Variants in DOCK10 observed in about 807,000 individuals in gnomAD.
DOCK10 encodes dedicator of cytokinesis protein 10.
A neutral mutation model predicts 280.1 loss-of-function variants in DOCK10; 145 were observed. The ratio of observed to expected loss-of-function variants is 0.52; its 90% confidence interval spans 0.45 to 0.59. The LOEUF is 0.59. Among genes scored for constraint, DOCK10 ranks in the 20% least tolerant of loss-of-function variants. The pLI, the probability that DOCK10 is intolerant of heterozygous loss-of-function variation, is 0.00. For missense variants in DOCK10, 2,368 were observed against 2,651.7 expected (o/e 0.89, Z 2.35); for synonymous variants, 915 against 942.2 (o/e 0.97, Z 0.53).
Position 224,841,794 on chromosome 2 carries a change from G to C in DOCK10, c.2661+10C>G, listed in dbSNP as rs778825916. 6.3e-7 allele frequency: 1 copy of C among 1,587,280 alleles called. No homozygotes were observed. Among genetic ancestry groups the C allele is most frequent in the South Asian group, 1.1e-5 (1 of 90,464 alleles). On this transcript the variant is annotated intron_variant, in intron 23 of 55. Transcript: ENST00000258390. ...TGGAGATCACTGAAACTGCTTGCATGTCATGTTACCTTACAAGAGCGGATG... is the reference window on the plus strand; with the variant it reads ...TGGAGATCACTGAAACTGCTTGCATCTCATGTTACCTTACAAGAGCGGATG...
intron 1 of DOCK10, among the ~76,000 whole-genome samples, chr2:225,038,635 G>C (rs778523458): frequency 2.0e-5 from 3 of 152,106 alleles, no homozygotes; most frequent in Non-Finnish European, 4.4e-5. Flanking sequence ...TCTTTAAAAT[G>C]AGTTAATAAC....
intron 29 of DOCK10, 150 bp from the exon 30 acceptor site, chr2:224,816,863 G>A (rs138222014): frequency 5.1e-4 from 293 of 574,868 alleles, no homozygotes; most frequent in Middle Eastern, 4.7e-3. Context: ...AAGTTGAAAG[G>A]ATTTTGTCCC....
chr2:224,991,767 A>G (rs1413848358), intron 1 of DOCK10, among the ~76,000 whole-genome samples: 1 of 152,164 alleles, frequency 6.6e-6, no homozygotes, highest in Non-Finnish European at 1.5e-5. Flanking sequence ...AAAATGGAAA[A>G]CATAAAAAAA....
chr2:224,980,234 C>G (rs1705674871), intron 1 of DOCK10, among the ~76,000 whole-genome samples: 1 of 152,186 alleles, frequency 6.6e-6, no homozygotes, highest in Non-Finnish European at 1.5e-5. Context: ...AGCTCCACTC[C>G]ACACCTTCTC....
In DOCK10 at chr2:224,805,171, T is replaced by G. The variant is rs370695107; in HGVS notation, c.4051+35A>C. ...TATGAGAATCTGAAGGTTTTCTTTT[T>G]CCTTTTTTCAAAAAAATTAAAGAAT... is the stretch of plus-strand genomic sequence containing the variant. On this transcript the variant is annotated intron_variant, in intron 36 of 55. Coordinates refer to ENST00000258390, the MANE Select transcript of DOCK10 (RefSeq NM_014689.3). The surrounding 1 kb of genome is among the most constrained non-coding windows in gnomAD (Gnocchi z 4.3). 1 of 1,599,990 alleles carries G rather than the reference T, an allele frequency of 6.3e-7. No homozygotes were observed. The highest frequency in any genetic ancestry group is 8.5e-7 in the Non-Finnish European group (1 of 1,175,712).
intron 7 of DOCK10, among the ~76,000 whole-genome samples, chr2:224,884,909 T>C (rs1415665952): frequency 6.6e-6 from 1 of 152,226 alleles, no homozygotes; most frequent in Non-Finnish European, 1.5e-5. Flanking sequence ...GCAGCAAACA[T>C]GGGTGCTAAT....
intron 7 of DOCK10, among the ~76,000 whole-genome samples, chr2:224,880,403 A>G (rs1698912329): frequency 6.6e-6 from 1 of 152,198 alleles, no homozygotes; most frequent in South Asian, 2.1e-4. Context: ...CATATAGAAT[A>G]GCAAAAAGGG....
chr2:224,789,147 CT>C lies in DOCK10; in HGVS notation c.5334del (p.Ala1779LeufsTer3). 1 of 1,613,370 alleles carries C rather than the reference CT, an allele frequency of 6.2e-7. No individual in the cohort carries two copies. Among genetic ancestry groups the C allele is most frequent in the Middle Eastern group, 1.7e-4 (1 of 6,060 alleles). ...SGGSMFSMGW[P>X]AFLSITPNIK... ...ATGTTTGGTGTAATGCTCAAAAAAG[CT>C]GGCCATCCCATAGAGAACATGCCTT... is the stretch of plus-strand genomic sequence containing the variant. On this transcript the variant is annotated frameshift_variant, in exon 48 of 56. Transcript: ENST00000258390. LOFTEE classifies it high-confidence loss of function.
intron 15 of DOCK10, among the ~76,000 whole-genome samples, chr2:224,856,095 A>T (rs1023540688): frequency 6.6e-6 from 1 of 152,222 alleles, no homozygotes; most frequent in African/African-American, 2.4e-5. Flanking sequence ...GACACTGGCC[A>T]TCAGTAGAAG....
At chr2:224,915,268 C>T (rs1701243917) in intron 3 of DOCK10, among the ~76,000 whole-genome samples, 1 of 152,146 alleles carries the variant, frequency 6.6e-6, no homozygotes, top group Admixed American at 6.5e-5. Context: ...TAGTGACACC[C>T]TACTGTATGC....
chr2:224,935,808 T>A (rs1408761520), intron 1 of DOCK10, among the ~76,000 whole-genome samples: 1 of 152,226 alleles, frequency 6.6e-6, no homozygotes, highest in Non-Finnish European at 1.5e-5. Context: ...TAGTAGGCAC[T>A]CAATAACTAT....
At chr2:224,914,420 C>A (rs552380064) in intron 3 of DOCK10, among the ~76,000 whole-genome samples, 64 of 152,244 alleles carry the variant, frequency 4.2e-4, no homozygotes, top group Non-Finnish European at 8.1e-4. Context: ...AATTAGAAGG[C>A]AACTCGGTAT....
chr2:224,945,393 T>C (rs1049217206), intron 1 of DOCK10, among the ~76,000 whole-genome samples: 8 of 152,152 alleles, frequency 5.3e-5, no homozygotes, highest in Non-Finnish European at 8.8e-5. Context: ...TCCAGGACTC[T>C]GCATATTCCA....
At chr2:224,937,230 C>G (rs916309044) in intron 1 of DOCK10, among the ~76,000 whole-genome samples, 2 of 152,090 alleles carry the variant, frequency 1.3e-5, no homozygotes, top group African/African-American at 4.8e-5. Context: ...GATTTCTTAC[C>G]TACCAGCTAC....
intron 1 of DOCK10, among the ~76,000 whole-genome samples, chr2:225,008,052 T>G (rs1468216121): frequency 6.6e-6 from 1 of 152,168 alleles, no homozygotes; most frequent in Non-Finnish European, 1.5e-5. Context: ...GGAGTAGAGT[T>G]AAAGCCATGG....
At chr2:224,942,557 A>AATGGTTGTACAAAACAAAGAG (rs1302861420) in intron 1 of DOCK10, among the ~76,000 whole-genome samples, 1 of 152,196 alleles carries the variant, frequency 6.6e-6, no homozygotes, top group Admixed American at 6.5e-5. Flanking sequence ...ACGCCCTATG[A>AATGGTTGTACAAAACAAAGAG]ATGGTTGTAC....
chr2:224,842,588 T>C (rs187483959), intron 22 of DOCK10, among the ~76,000 whole-genome samples: 1,909 of 152,318 alleles, frequency 0.013, 21 homozygotes, highest in Non-Finnish European at 0.02. Flanking sequence ...ACTGTGTGTG[T>C]GCGCGTGTGT....
chr2:224,897,870 T>G (rs1042917342), intron 3 of DOCK10, among the ~76,000 whole-genome samples: 1 of 152,236 alleles, frequency 6.6e-6, no homozygotes, highest in Non-Finnish European at 1.5e-5. Flanking sequence ...GTACTGATCA[T>G]AGATCTGTAA....
intron 4 of DOCK10, among the ~76,000 whole-genome samples, chr2:224,886,951 T>C (rs1482685181): frequency 2.7e-5 from 4 of 148,624 alleles, no homozygotes; most frequent in African/African-American, 7.7e-5. Context: ...TTTGTGGGGA[T>C]GGGGTTTTGT....
Sources: gnomAD v4.1 joint callset for allele counts (sites outside exome capture counted in the v4.1 genomes callset) on GRCh38, gnomAD v4.1.1 for gene constraint, Gnocchi (gnomAD v3.1) non-coding constraint, MANE v1.5 for transcripts, NCBI Gene and HGNC (gene_info 2026-07-23, HGNC 2026-07-21) for gene names.